Variants in ATRIP observed in about 807,000 individuals in gnomAD.
ATRIP encodes the protein ATR interacting protein.
A neutral mutation model predicts 78.1 loss-of-function variants in ATRIP; 44 were observed. The ratio of observed to expected loss-of-function variants is 0.56; its 90% CI spans 0.44 to 0.72. The LOEUF (loss-of-function observed/expected upper bound fraction) is 0.72. ATRIP is among the 30% of genes least tolerant of loss of function. The pLI is 0.00. For synonymous variants in ATRIP, 388 were observed against 408.9 expected (o/e 0.95, Z 0.62); for missense variants, 927 against 980.2 (o/e 0.95, Z 0.72).
Position 48,466,663 on chromosome 3 carries a change from C to G in ATRIP, c.*1109C>G. ...GCAGGTACGTACCCAACCATGGGCT[C>G]GCAGGCCCTGCCCCCGGGGCCCATG... is the stretch of plus-strand genomic sequence containing the variant. On this transcript the variant is annotated 3_prime_UTR_variant, in exon 13 of 13. Transcript: ENST00000320211. 1 of 1,614,040 alleles carries G rather than the reference C, an allele frequency of 6.2e-7. No homozygotes were observed. The highest frequency in any genetic ancestry group is 8.5e-7 in the Non-Finnish European group (1 of 1,179,970).
At chr3:48,457,911 A>G (rs2039995281) in intron 5 of ATRIP, among the ~76,000 whole-genome samples, 1 of 151,916 alleles carries the variant, frequency 6.6e-6, no homozygotes, top group Non-Finnish European at 1.5e-5. Flanking sequence ...TTTAGGGTAC[A>G]TGTGCACAAC....
Position 48,451,885 on chromosome 3 carries a change from G to C in ATRIP, c.538G>C (p.Glu180Gln). 1 of 1,604,180 alleles carries C rather than the reference G, an allele frequency of 6.2e-7. No individual in the cohort carries two copies. Among genetic ancestry groups the C allele is most frequent in the East Asian group, 2.2e-5 (1 of 44,730 alleles). ...KTQALSDKEK[E>Q]FSKKLQSLQS... The stretch of plus-strand genomic sequence containing the variant: ...CCAAGCACTCAGTGACAAGGAAAAG[G>C]AATTCTCCAAAAAGGTGACCCAGAG... Residue 180 changes from glutamate to glutamine, a missense_variant, in exon 3 of 13, where the codon GAA becomes CAA. By Grantham distance (29) the Glu-to-Gln change is conservative. Coordinates refer to ENST00000320211, the MANE Select transcript of ATRIP (RefSeq NM_130384.3).
chr3:48,463,613 C>T, intron 8 of ATRIP, 132 bp from the exon 9 acceptor site: 1 of 1,305,608 alleles, frequency 7.7e-7, no homozygotes, highest in Non-Finnish European at 1.0e-6. Flanking sequence ...CACTGAAACC[C>T]AAGTCTGGCT....
rs142899473 is a variant in ATRIP, at chr3:48,460,226, G to T, written c.1172G>T (p.Arg391Leu). 6 of 1,614,152 alleles carry T rather than the reference G, an allele frequency of 3.7e-6. No individual in the cohort carries two copies. The highest frequency in any genetic ancestry group is 5.1e-6 in the Non-Finnish European group (6 of 1,180,030). The stretch of plus-strand genomic sequence containing the variant: ...TTCACTGGACTGAATCTGGTTGCCC[G>T]GAATGAGTGCTCACGTGATGGAGAC... ...LAFTGLNLVARNECSRDGDPA... is the reference protein window; with the variant it reads ...LAFTGLNLVALNECSRDGDPA... The change falls in exon 8 of 13, where the codon CGG becomes CTG. Residue 391 changes from arginine to leucine, a missense_variant. Coordinates refer to ENST00000320211, the MANE Select transcript of ATRIP (RefSeq NM_130384.3).
intron 5 of ATRIP, among the ~76,000 whole-genome samples, chr3:48,458,824 G>A (rs1432996575): frequency 2.0e-5 from 3 of 152,152 alleles, no homozygotes; most frequent in Admixed American, 2.0e-4. Context: ...CTGAGAAACT[G>A]TAGCCCACTT....
intron 12 of ATRIP, 41 bp from the exon 13 acceptor site, chr3:48,465,446 A>G (rs1575289595): frequency 6.3e-7 from 1 of 1,593,974 alleles, no homozygotes; most frequent in African/African-American, 1.3e-5. Flanking sequence ...AGGCCCTGGC[A>G]CCTTTGGGCC....
Position 48,466,384 on chromosome 3 carries a change from A to G in ATRIP, c.*830A>G. ...TTCCCCCACCCCAGACTAAGGGGGCACTAGGGGAGGGGCCGAGTCATGTGA... is the reference window on the plus strand; with the variant it reads ...TTCCCCCACCCCAGACTAAGGGGGCGCTAGGGGAGGGGCCGAGTCATGTGA... On this transcript the variant is annotated 3_prime_UTR_variant, in exon 13 of 13. Coordinates refer to ENST00000320211, the MANE Select transcript of ATRIP (RefSeq NM_130384.3). 2 of 1,491,414 alleles carry G rather than the reference A, an allele frequency of 1.3e-6. No individual in the cohort carries two copies. The highest frequency in any genetic ancestry group is 1.9e-6 in the Non-Finnish European group (2 of 1,080,064). 92.4% of individuals were successfully genotyped at this position (1,491,414 alleles called of 1,614,324 possible). A position where few individuals can be genotyped will look rare whatever the true frequency, so the allele number is the denominator to read the frequency against.
At chr3:48,461,104 T>C (rs1031298268) in intron 8 of ATRIP, among the ~76,000 whole-genome samples, 7 of 152,246 alleles carry the variant, frequency 4.6e-5, no homozygotes, top group Non-Finnish European at 1.0e-4. Flanking sequence ...AAGGGGCCTC[T>C]GAACCTGAGA....
chr3:48,460,597 C>T lies in ATRIP; in HGVS notation c.1543C>T (p.His515Tyr). Residue 515 changes from histidine (H) to tyrosine (Y), a missense_variant, in exon 8 of 13, where the codon CAC becomes TAC. Transcript: ENST00000320211. ...AAGEGNRSLV[H>Y]RLSDGDMTSA... ...TGGGGAAGGAAACAGGAGCCTGGTT[C>T]ACAGGCTTAGTGATGGAGATATGAC... is the stretch of plus-strand genomic sequence containing the variant. The T allele has an allele frequency of 6.2e-7, 1 of 1,614,186 alleles. No homozygotes were observed. Among genetic ancestry groups the T allele is most frequent in the South Asian group, 1.1e-5 (1 of 91,078 alleles).
intron 8 of ATRIP, among the ~76,000 whole-genome samples, chr3:48,462,194 T>C (rs988531751): frequency 6.6e-6 from 1 of 151,818 alleles, no homozygotes; most frequent in African/African-American, 2.4e-5. Context: ...TAGCCAGGCA[T>C]GGTGGCAGTG....
In ATRIP at chr3:48,467,559, G is replaced by T. The variant is rs1472792293; in HGVS notation, c.*2005G>T. On this transcript the variant is annotated 3_prime_UTR_variant, in exon 13 of 13. Coordinates refer to ENST00000320211, the MANE Select transcript of ATRIP (RefSeq NM_130384.3). ...GCTGGCCATCCTGACCTTGGCAGTA[G>T]CCACACTGTATGGACTATCCCTGGC... 1 of 1,613,718 alleles carries T rather than the reference G, an allele frequency of 6.2e-7. No individual in the cohort carries two copies. Among genetic ancestry groups the T allele is most frequent in the Non-Finnish European group, 8.5e-7 (1 of 1,179,964 alleles).
intron 1 of ATRIP, among the ~76,000 whole-genome samples, chr3:48,448,684 T>C (rs1211639046): frequency 1.3e-5 from 2 of 152,240 alleles, no homozygotes; most frequent in Non-Finnish European, 1.5e-5. Context: ...GTACATTGAG[T>C]ATACTTTTCA....
Position 48,464,872 on chromosome 3 carries a change from G to T in ATRIP, c.2097G>T (p.Leu699=). 6.2e-7 allele frequency: 1 copy of T among 1,613,836 alleles called. No homozygotes were observed. Among genetic ancestry groups the T allele is most frequent in the Non-Finnish European group, 8.5e-7 (1 of 1,179,890 alleles). Residue 699 remains leucine (L), a synonymous_variant, in exon 12 of 13, where the codon CTG becomes CTT. Transcript: ENST00000320211. ...CGGTGATGTTGCACAGACAGTGGCT[G>T]ACAGTGCGGAGGGCAGGGGGACCCC... ...ALTVMLHRQW[L]TVRRAGGPPR... is the part of the protein sequence containing the mutation.
intron 2 of ATRIP, 94 bp downstream of exon 2, chr3:48,450,264 G>A: frequency 1.4e-6 from 2 of 1,431,332 alleles, no homozygotes; most frequent in Non-Finnish European, 1.9e-6. Context: ...TGTAAAACAA[G>A]TGTCTAGATT....
intron 7 of ATRIP, 40 bp downstream of exon 7, chr3:48,459,956 C>G (rs1197649182): frequency 1.9e-6 from 3 of 1,583,530 alleles, no homozygotes; most frequent in Non-Finnish European, 2.6e-6. Flanking sequence ...TGGGAAGGAG[C>G]TTCCTGGAAG....
chr3:48,465,458 T>C lies in ATRIP; in HGVS notation c.2309-29T>C, dbSNP rs766287947. 38 of 1,610,004 alleles carry C rather than the reference T, an allele frequency of 2.4e-5. 1 individual carries two copies. In the East Asian group the frequency reaches 7.6e-4, roughly 32 times the overall value. On this transcript the variant is annotated intron_variant, in intron 12 of 12. Coordinates refer to ENST00000320211, the MANE Select transcript of ATRIP (RefSeq NM_130384.3). ...CCTAGGCCCTGGCACCTTTGGGCCC[T>C]CACCAGGAACCTCTCCTTTTTGTCT...
At chr3:48,456,847 A>G (rs1020463802) in intron 4 of ATRIP, among the ~76,000 whole-genome samples, 1 of 152,216 alleles carries the variant, frequency 6.6e-6, no homozygotes, top group African/African-American at 2.4e-5. Context: ...CTAATATTAT[A>G]TTTTTGGATG....
At position 48,466,846 on chromosome 3, in the gene ATRIP, T is replaced by C. The variant is rs763056226; in HGVS notation, c.*1292T>C. On this transcript the variant is annotated 3_prime_UTR_variant, in exon 13 of 13. Transcript: ENST00000320211. ...ACAGTTCCTCCACCACCGCGTGTGG[T>C]AGACAAGCTCTCCCTGTGTGTGGCT... is the stretch of plus-strand genomic sequence containing the variant. 5 of 1,613,874 alleles carry C rather than the reference T, an allele frequency of 3.1e-6. No individual in the cohort carries two copies. Among genetic ancestry groups the C allele is most frequent in the Non-Finnish European group, 4.2e-6 (5 of 1,180,022 alleles).
rs555941128 is a variant in ATRIP at position 48,466,403 on chromosome 3, C to G, written c.*849C>G. On this transcript the variant is annotated 3_prime_UTR_variant, in exon 13 of 13. Transcript: ENST00000320211. Reference sequence around the variant, plus strand: ...GGGGGCACTAGGGGAGGGGCCGAGTCATGTGAAGAGGGAGACCCTCTCAGA... The same window carrying G: ...GGGGGCACTAGGGGAGGGGCCGAGTGATGTGAAGAGGGAGACCCTCTCAGA... The G allele has an allele frequency of 2.3e-5, 37 of 1,585,384 alleles. No homozygotes were observed. The highest frequency in any genetic ancestry group is 3.2e-5 in the Non-Finnish European group (37 of 1,158,270).
Sources: allele counts gnomAD v4.1 joint callset (sites outside exome capture counted in the v4.1 genomes callset), GRCh38; gene constraint gnomAD v4.1.1; transcripts MANE v1.5; gene names NCBI Gene and HGNC (gene_info 2026-07-23, HGNC 2026-07-21).